Variants in AMOTL1 observed in about 807,000 individuals in gnomAD.
The protein encoded by AMOTL1 is angiomotin like 1, also known as angiomotin-like protein 1.
Under a neutral mutation model 102.9 loss-of-function variants are expected in AMOTL1, and 45 were observed. The ratio of observed to expected loss-of-function variants is 0.44; its 90% CI spans 0.34 to 0.56. The LOEUF is 0.56. Ranked by LOEUF, AMOTL1 falls within the 20% of genes least tolerant of loss-of-function variation. The pLI, the probability that AMOTL1 is intolerant of heterozygous loss-of-function variation, is 0.01. For missense variants in AMOTL1, 1,114 were observed against 1,225.6 expected, an observed-to-expected ratio of 0.91 and a Z score of 1.36; for synonymous variants, 481 against 484.7, an observed-to-expected ratio of 0.99 and a Z score of 0.10.
intron 11 of AMOTL1, 102 bp from the exon 12 acceptor site, chr11:94,869,096 A>G: frequency 7.6e-7 from 1 of 1,311,368 alleles, no homozygotes; most frequent in Non-Finnish European, 1.0e-6. Context: ...TCAATGAATG[A>G]ATGAAGCAAT....
At chr11:94,738,204 C>T (rs1327816387) in intron 2 of AMOTL1, among the ~76,000 whole-genome samples, 1 of 151,560 alleles carries the variant, frequency 6.6e-6, no homozygotes, top group Non-Finnish European at 1.5e-5. Flanking sequence ...GCACTAGCTC[C>T]ATTTGATTTT....
rs925531738 is a variant in AMOTL1, at chr11:94,799,065, A to AT, written c.200-316dup. Among the ~76,000 whole-genome samples, 13 of 151,172 alleles carry AT rather than the reference A, an allele frequency of 8.6e-5. No individual in the cohort carries two copies. The highest frequency in any genetic ancestry group is 2.9e-4 in the African/African-American group (12 of 41,202). ...TGGTTTGATTTTGGTTTTCTCTTGT[A>AT]TTTTTTTTTAAATGGGAAAGACTTG... On this transcript the variant is annotated intron_variant, in intron 2 of 12. Coordinates refer to ENST00000433060, the MANE Select transcript of AMOTL1 (RefSeq NM_130847.3). This position sits in a 1 kb window ranked among gnomAD's most constrained non-coding sequence, Gnocchi z 4.5.
At chr11:94,836,631 T>C (rs182540444) in intron 6 of AMOTL1, among the ~76,000 whole-genome samples, 3 of 152,306 alleles carry the variant, frequency 2.0e-5, no homozygotes, top group Admixed American at 1.3e-4. Flanking sequence ...GTTCCAGTCA[T>C]GTTGAGAGAA....
chr11:94,723,529 A>G (rs1950207460), intron 1 of AMOTL1, among the ~76,000 whole-genome samples: 1 of 152,154 alleles, frequency 6.6e-6, no homozygotes, highest in South Asian at 2.1e-4. Context: ...TAAAATATTA[A>G]CATCAATAAA....
intron 4 of AMOTL1, among the ~76,000 whole-genome samples, chr11:94,822,745 A>T (rs181365825): frequency 6.8e-4 from 104 of 152,342 alleles, no homozygotes; most frequent in Non-Finnish European, 1.2e-3. Context: ...GGGAACGTCC[A>T]GCAAGAACGA....
intron 3 of AMOTL1, among the ~76,000 whole-genome samples, chr11:94,757,372 C>T (rs1197904127): frequency 6.6e-6 from 1 of 152,026 alleles, no homozygotes; most frequent in Admixed American, 6.5e-5. Flanking sequence ...AACGGCTTTA[C>T]AGAAGTTAAG....
At chr11:94,853,136 G>C (rs1952580863) in intron 7 of AMOTL1, among the ~76,000 whole-genome samples, 1 of 151,942 alleles carries the variant, frequency 6.6e-6, no homozygotes, top group African/African-American at 2.4e-5. Context: ...TCTATTTTAT[G>C]CTATTTTTAG....
At chr11:94,717,948 C>T (rs2135438370) in intron 1 of AMOTL1, among the ~76,000 whole-genome samples, 1 of 151,846 alleles carries the variant, frequency 6.6e-6, no homozygotes, top group South Asian at 2.1e-4. Context: ...CAAATTAAAA[C>T]AGTGAGAAAA....
At chr11:94,715,381 G>A (rs995308187) in intron 1 of AMOTL1, among the ~76,000 whole-genome samples, 1 of 152,028 alleles carries the variant, frequency 6.6e-6, no homozygotes, top group Non-Finnish European at 1.5e-5. Flanking sequence ...ATATTGCCCA[G>A]GCTAGTCTCA....
chr11:94,756,407 A>G (rs1264266443), intron 3 of AMOTL1, among the ~76,000 whole-genome samples: 1 of 152,204 alleles, frequency 6.6e-6, no homozygotes, highest in Non-Finnish European at 1.5e-5. Flanking sequence ...ATAAGGATAT[A>G]TTTTATGTTT....
chr11:94,847,814 AT>A (rs1952448634), intron 6 of AMOTL1, among the ~76,000 whole-genome samples: 1 of 152,140 alleles, frequency 6.6e-6, no homozygotes, highest in East Asian at 1.9e-4. Flanking sequence ...AATAGCTATC[AT>A]TGTGACATAG....
At chr11:94,760,818 T>A (rs1240183568) in intron 3 of AMOTL1, among the ~76,000 whole-genome samples, 2 of 152,238 alleles carry the variant, frequency 1.3e-5, no homozygotes, top group Non-Finnish European at 2.9e-5. Flanking sequence ...ATGTAATCAA[T>A]AATTTTTTTT....
intron 1 of AMOTL1, among the ~76,000 whole-genome samples, chr11:94,773,393 A>C (rs1305117210): frequency 1.3e-5 from 2 of 152,102 alleles, no homozygotes; most frequent in African/African-American, 4.8e-5. Context: ...CTGTCTTAAG[A>C]GTTTGTATGT....
chr11:94,747,792 C>T (rs1309459980), intron 3 of AMOTL1, among the ~76,000 whole-genome samples: 1 of 152,182 alleles, frequency 6.6e-6, no homozygotes, highest in Non-Finnish European at 1.5e-5. Context: ...CTTCTAGGGG[C>T]TCAGATTCTT....
intron 4 of AMOTL1, among the ~76,000 whole-genome samples, chr11:94,825,619 A>G (rs1951948280): frequency 6.6e-6 from 1 of 152,112 alleles, no homozygotes; most frequent in Non-Finnish European, 1.5e-5. Flanking sequence ...GTAAACTGGG[A>G]TTCCCCTCCT....
At chr11:94,726,112 A>G (rs1950253391) in intron 1 of AMOTL1, among the ~76,000 whole-genome samples, 1 of 152,188 alleles carries the variant, frequency 6.6e-6, no homozygotes, top group Admixed American at 6.5e-5. Context: ...GTGAGATGTA[A>G]TAAGTCAAGG....
At chr11:94,736,344 C>T (rs935599306) in intron 2 of AMOTL1, among the ~76,000 whole-genome samples, 9 of 152,322 alleles carry the variant, frequency 5.9e-5, no homozygotes, top group African/African-American at 9.6e-5. Flanking sequence ...CTCTGCCTCA[C>T]GGGTTCAAGC....
chr11:94,797,629 C>T (rs16921015), intron 2 of AMOTL1, among the ~76,000 whole-genome samples: 4,746 of 152,256 alleles, frequency 0.031, 192 homozygotes, highest in African/African-American at 0.096. Context: ...AGGTTTTACT[C>T]GGAAGGTAGT....
intron 7 of AMOTL1, among the ~76,000 whole-genome samples, chr11:94,853,436 G>T (rs373750170): frequency 2.6e-5 from 4 of 152,270 alleles, no homozygotes; most frequent in South Asian, 4.2e-4. Flanking sequence ...TGCTGAGAAT[G>T]ATGGCTTCCA....
Sources: allele counts gnomAD v4.1 joint callset (sites outside exome capture counted in the v4.1 genomes callset), GRCh38; gene constraint gnomAD v4.1.1; non-coding constraint Gnocchi (gnomAD v3.1); transcripts MANE v1.5; gene names NCBI Gene and HGNC (gene_info 2026-07-23, HGNC 2026-07-21).